Variants in PLEKHM3 observed in about 807,000 individuals in gnomAD.
PLEKHM3 encodes pleckstrin homology domain-containing family M member 3.
PLEKHM3 carries 45 observed loss-of-function variants against 81.8 expected under a neutral mutation model. That is an observed-to-expected ratio of 0.55 (90% CI 0.43 to 0.71). The LOEUF (loss-of-function observed/expected upper bound fraction) is 0.71, where lower values mean the gene tolerates loss of function less well. PLEKHM3 is among the 30% of genes least tolerant of loss of function. The pLI is 0.00. For synonymous variants in PLEKHM3, 352 were observed against 356.4 expected (o/e 0.99, Z 0.14); for missense variants, 788 against 924.3 (o/e 0.85, Z 1.91).
Position 207,826,781 on chromosome 2 carries a change from T to C in PLEKHM3, c.*1538A>G, listed in dbSNP as rs983025162. 2 of 152,228 alleles carry C rather than the reference T, an allele frequency of 1.3e-5. No individual in the cohort carries two copies. The highest frequency in any genetic ancestry group is 2.4e-5 in the African/African-American group (1 of 41,454). The allele number at this position is 152,228 out of a possible 1,614,324, so 9.4% of individuals were successfully genotyped here. A position where few individuals can be genotyped will look rare whatever the true frequency, so the allele number is the denominator to read the frequency against. On this transcript the variant is annotated 3_prime_UTR_variant, in exon 8 of 8. Coordinates refer to ENST00000427836, the MANE Select transcript of PLEKHM3 (RefSeq NM_001080475.3). ...TAATAGCAGCAAAACTACTAAACCA[T>C]GAAGACATAGAAGGCATCTGCTCAG... is the stretch of plus-strand genomic sequence containing the variant.
chr2:207,879,465 A>G (rs1435572755), intron 6 of PLEKHM3, among the ~76,000 whole-genome samples: 1 of 152,234 alleles, frequency 6.6e-6, no homozygotes, highest in African/African-American at 2.4e-5. Flanking sequence ...AAGTGCATTC[A>G]ACCTTTGCAT....
chr2:207,925,449 T>C (rs2105930334), intron 5 of PLEKHM3, among the ~76,000 whole-genome samples: 1 of 151,988 alleles, frequency 6.6e-6, no homozygotes, highest in East Asian at 1.9e-4. Context: ...AAAATAAAAG[T>C]TATAGCAGCT....
At chr2:207,930,853 G>C in intron 5 of PLEKHM3, 73 bp downstream of exon 5, 4 of 1,540,618 alleles carry the variant, frequency 2.6e-6, no homozygotes, top group Non-Finnish European at 3.5e-6. Flanking sequence ...AGGCCCTTTG[G>C]AGATAATCTC....
At chr2:207,889,629 T>G (rs1326831808) in intron 6 of PLEKHM3, among the ~76,000 whole-genome samples, 1 of 151,804 alleles carries the variant, frequency 6.6e-6, no homozygotes, top group Non-Finnish European at 1.5e-5. Context: ...TACTCAAAGC[T>G]CAAAGCTCAG....
rs1559193786 is a variant in PLEKHM3, at chr2:207,822,250, T to G, written c.*6069A>C. The G allele has an allele frequency of 6.6e-6, 1 of 152,656 alleles. No homozygotes were observed. The allele number at this position is 152,656 out of a possible 1,614,324, so 9.5% of individuals were successfully genotyped here. Reference sequence around the variant, plus strand: ...AAAGAGACATTTTTATCACAATTTATCTAAGAGGCTTCCCACTTCTTATTT... The same window carrying G: ...AAAGAGACATTTTTATCACAATTTAGCTAAGAGGCTTCCCACTTCTTATTT... On this transcript the variant is annotated 3_prime_UTR_variant, in exon 8 of 8. Coordinates refer to ENST00000427836, the MANE Select transcript of PLEKHM3 (RefSeq NM_001080475.3).
intron 6 of PLEKHM3, among the ~76,000 whole-genome samples, chr2:207,871,005 G>C (rs950011808): frequency 2.2e-4 from 33 of 152,094 alleles, no homozygotes; most frequent in African/African-American, 7.7e-4. Context: ...CTACTTAGGA[G>C]GCTGAGGTGG....
chr2:207,894,731 C>A (rs1688166319), intron 6 of PLEKHM3, among the ~76,000 whole-genome samples: 1 of 152,310 alleles, frequency 6.6e-6, no homozygotes, highest in Admixed American at 6.5e-5. Context: ...AGCAATCATG[C>A]AGCTGGCAGT....
chr2:207,890,656 T>A (rs1688034155), intron 6 of PLEKHM3, among the ~76,000 whole-genome samples: 1 of 152,062 alleles, frequency 6.6e-6, no homozygotes, highest in Admixed American at 6.6e-5. Flanking sequence ...AAAGCAAGAA[T>A]ATACTGTAAG....
At chr2:207,897,718 T>A (rs1297930358) in intron 6 of PLEKHM3, among the ~76,000 whole-genome samples, 1 of 152,198 alleles carries the variant, frequency 6.6e-6, no homozygotes, top group Non-Finnish European at 1.5e-5. Context: ...AGAAACTCCA[T>A]CCCATGTTCA....
At chr2:208,004,037 T>G (rs1692408390) in intron 1 of PLEKHM3, among the ~76,000 whole-genome samples, 1 of 152,222 alleles carries the variant, frequency 6.6e-6, no homozygotes, top group Non-Finnish European at 1.5e-5. Context: ...AAAAATTATT[T>G]GTTTCTTTCT....
chr2:207,919,351 C>T (rs1351596341), intron 5 of PLEKHM3, among the ~76,000 whole-genome samples: 1 of 152,014 alleles, frequency 6.6e-6, no homozygotes, highest in Admixed American at 6.6e-5. Context: ...ATGCCCTGGG[C>T]TTTTACTTGG....
At position 207,899,879 on chromosome 2, in the gene PLEKHM3, C is replaced by G. The variant is rs187936784; in HGVS notation, c.1950+8635G>C. On this transcript the variant is annotated intron_variant, in intron 6 of 7. Coordinates refer to ENST00000427836, the MANE Select transcript of PLEKHM3 (RefSeq NM_001080475.3). ...GCCTCAAAGTTCTCTTCCTAGTCCTCTCTCTCTGGCTCATGATTATGGGCC... is the reference window on the plus strand; with the variant it reads ...GCCTCAAAGTTCTCTTCCTAGTCCTGTCTCTCTGGCTCATGATTATGGGCC... 2.0e-4 allele frequency among the ~76,000 whole-genome samples: 31 copies of G among 152,248 alleles called. 1 individual carries two copies. The East Asian group carries it at 5.4e-3, about 27-fold the overall frequency.
intron 4 of PLEKHM3, among the ~76,000 whole-genome samples, chr2:207,941,908 C>A (rs1689950544): frequency 6.6e-6 from 1 of 152,138 alleles, no homozygotes; most frequent in African/African-American, 2.4e-5. Context: ...ATCAAAACCA[C>A]AATGAGATAT....
rs4441448 is a variant in PLEKHM3, at chr2:207,977,240, A to G, written c.957T>C (p.Asn319=). 1,103,690 of 1,613,902 alleles carry G rather than the reference A, an allele frequency of 0.68. 381,678 individuals are homozygous for G. Among genetic ancestry groups the G allele is most frequent in the Admixed American group, 0.72 (43,360 of 60,002 alleles). Residue 319 remains asparagine, a synonymous_variant, in exon 3 of 8, where the codon AAT becomes AAC. Coordinates refer to ENST00000427836, the MANE Select transcript of PLEKHM3 (RefSeq NM_001080475.3). ...CAAGCCCTGGTGAGATTGTCAGCTCATTCTGCCGCCCCATGTAACCGGGCA... is the reference window on the plus strand; with the variant it reads ...CAAGCCCTGGTGAGATTGTCAGCTCGTTCTGCCGCCCCATGTAACCGGGCA... ...AAVPGYMGRQ[N]ELTISPGLGH...
Position 207,824,507 on chromosome 2 carries a change from C to T in PLEKHM3, c.*3812G>A, listed in dbSNP as rs543934673. 6.6e-6 allele frequency: 1 copy of T among 152,344 alleles called. No homozygotes were observed. The highest frequency in any genetic ancestry group is 1.9e-4 in the East Asian group (1 of 5,188). 9.4% of individuals were successfully genotyped at this position (152,344 alleles called of 1,614,324 possible). On this transcript the variant is annotated 3_prime_UTR_variant, in exon 8 of 8. Coordinates refer to ENST00000427836, the MANE Select transcript of PLEKHM3 (RefSeq NM_001080475.3). ...AAAGGAGGACCAGAATGTGTCTCTA[C>T]TTCCACTGCTAACGCCCCTCTGCAG...
intron 3 of PLEKHM3, among the ~76,000 whole-genome samples, chr2:207,963,380 T>C (rs1274691698): frequency 2.6e-5 from 4 of 152,254 alleles, no homozygotes; most frequent in Non-Finnish European, 4.4e-5. Context: ...TCATTAAGGA[T>C]GCTGGTCTTC....
At chr2:207,848,798 T>A (rs2092397668) in intron 7 of PLEKHM3, among the ~76,000 whole-genome samples, 1 of 152,168 alleles carries the variant, frequency 6.6e-6, no homozygotes, top group Admixed American at 6.6e-5. Flanking sequence ...GTTGAGCGTG[T>A]TGGGAGGAGT....
intron 2 of PLEKHM3, among the ~76,000 whole-genome samples, chr2:207,998,970 G>C (rs1000892524): frequency 5.3e-5 from 8 of 151,988 alleles, no homozygotes; most frequent in African/African-American, 1.9e-4. Flanking sequence ...TGGGCTTACA[G>C]CAACTTGTAT....
chr2:208,003,533 T>C (rs1692384173), intron 1 of PLEKHM3, among the ~76,000 whole-genome samples: 1 of 152,220 alleles, frequency 6.6e-6, no homozygotes, highest in Non-Finnish European at 1.5e-5. Flanking sequence ...AGGTTTGCAG[T>C]TCATAGCACC....
Sources: allele counts gnomAD v4.1 joint callset (sites outside exome capture counted in the v4.1 genomes callset), GRCh38; gene constraint gnomAD v4.1.1; transcripts MANE v1.5; gene names NCBI Gene and HGNC (gene_info 2026-07-23, HGNC 2026-07-21).